KPNA3: variants seen among roughly 807,000 people sequenced by gnomAD.
KPNA3 encodes the protein importin subunit alpha-4.
In KPNA3, 13 loss-of-function variants were observed where a neutral mutation model predicts 73.8. The observed-to-expected ratio is 0.18, with a 90% CI of 0.11 to 0.28. The LOEUF is 0.28. KPNA3 is among the 10% of genes least tolerant of loss of function. KPNA3 has a pLI of 1.00. For synonymous variants in KPNA3, 186 were observed against 206.9 expected (o/e 0.90, Z 0.87); for missense variants, 360 against 618.1 (o/e 0.58, Z 4.43).
chr13:49,758,995 A>C (rs1954735835), intron 1 of KPNA3, among the ~76,000 whole-genome samples: 1 of 152,166 alleles, frequency 6.6e-6, no homozygotes, highest in Non-Finnish European at 1.5e-5. Context: ...AACATACCAA[A>C]TATCAAAGAT....
intron 1 of KPNA3, among the ~76,000 whole-genome samples, chr13:49,779,136 C>G (rs973109784): frequency 1.3e-5 from 2 of 151,868 alleles, no homozygotes; most frequent in African/African-American, 4.8e-5. Context: ...GACTTCCACA[C>G]TTTGAATTTG....
At chr13:49,791,755 C>T (rs1362110227) in intron 1 of KPNA3, among the ~76,000 whole-genome samples, 1 of 152,250 alleles carries the variant, frequency 6.6e-6, no homozygotes, top group Non-Finnish European at 1.5e-5. Context: ...TGTCCACCTT[C>T]AGCTCGCTCC....
intron 1 of KPNA3, among the ~76,000 whole-genome samples, chr13:49,772,759 T>C (rs554002666): frequency 6.6e-6 from 1 of 152,188 alleles, no homozygotes; most frequent in African/African-American, 2.4e-5. Context: ...GCTGAGATCA[T>C]GCCATTGCAC....
At chr13:49,792,137 C>A (rs993692633) in intron 1 of KPNA3, among the ~76,000 whole-genome samples, 1 of 152,084 alleles carries the variant, frequency 6.6e-6, no homozygotes, top group African/African-American at 2.4e-5. Context: ...GCGGCCCTGG[C>A]CCGCGGACCC....
chr13:49,703,183 CTTTTTTTTTT>C (rs35282756), intron 15 of KPNA3, among the ~76,000 whole-genome samples: 1 of 109,196 alleles, frequency 9.2e-6, no homozygotes, highest in Non-Finnish European at 1.8e-5. Context: ...TTCTTTCTTT[CTTTTTTTTTT>C]TTTTTTTTGA....
intron 15 of KPNA3, among the ~76,000 whole-genome samples, chr13:49,704,000 T>C (rs1416807927): frequency 1.2e-5 from 1 of 80,704 alleles, no homozygotes; most frequent in Non-Finnish European, 2.6e-5. Context: ...TACTGTGTTA[T>C]GAACCTGACT....
intron 2 of KPNA3, among the ~76,000 whole-genome samples, chr13:49,737,357 T>C (rs1424066504): frequency 6.6e-6 from 1 of 152,160 alleles, no homozygotes; most frequent in Non-Finnish European, 1.5e-5. Context: ...TCGCCAGCAT[T>C]TGGTGTTGTC....
chr13:49,740,908 T>C (rs1954567829), intron 2 of KPNA3, among the ~76,000 whole-genome samples: 1 of 152,196 alleles, frequency 6.6e-6, no homozygotes, highest in South Asian at 2.1e-4. Context: ...ATACTTGCCT[T>C]GTTTGCCTGG....
Position 49,708,141 on chromosome 13 carries a change from G to A in KPNA3, c.1032+1431C>T, listed in dbSNP as rs181111652. 1.5e-3 allele frequency among the ~76,000 whole-genome samples: 233 copies of A among 151,922 alleles called. 1 individual carries two copies. Among genetic ancestry groups the A allele is most frequent in the African/African-American group, 5.1e-3 (213 of 41,464 alleles). ...CTCCTGAGTAGTTGGGACTACAGGC[G>A]TCTGCTACCACACCCGGCTAATTTT... On this transcript the variant is annotated intron_variant, in intron 12 of 16. Transcript: ENST00000261667.
At chr13:49,767,918 C>G (rs1479200442) in intron 1 of KPNA3, among the ~76,000 whole-genome samples, 3 of 152,106 alleles carry the variant, frequency 2.0e-5, no homozygotes, top group African/African-American at 7.2e-5. Flanking sequence ...AATGTGAGTA[C>G]CAACAACAAA....
chr13:49,770,834 C>CAAAAA (rs759842886), intron 1 of KPNA3, among the ~76,000 whole-genome samples: 39 of 85,148 alleles, frequency 4.6e-4, no homozygotes, highest in East Asian at 8.0e-4. Flanking sequence ...ACCCACCTAC[C>CAAAAA]AAAAAAAAAA....
At chr13:49,758,864 A>G (rs1368072606) in intron 1 of KPNA3, among the ~76,000 whole-genome samples, 1 of 152,196 alleles carries the variant, frequency 6.6e-6, no homozygotes, top group East Asian at 1.9e-4. Flanking sequence ...CAACGCCTAG[A>G]AACAGTGACC....
In KPNA3 at chr13:49,705,605, A is replaced by G; in HGVS notation, c.1372+16T>C. Reference sequence around the variant, plus strand: ...TCCAGTGCTCAAATACTCTTCTTCCATCAATCCACTCTTACCTCCACATTC... The same window carrying G: ...TCCAGTGCTCAAATACTCTTCTTCCGTCAATCCACTCTTACCTCCACATTC... On this transcript the variant is annotated intron_variant, in intron 15 of 16. Transcript: ENST00000261667. 1 of 1,609,772 alleles carries G rather than the reference A, an allele frequency of 6.2e-7. No homozygotes were observed. Among genetic ancestry groups the G allele is most frequent in the Non-Finnish European group, 8.5e-7 (1 of 1,177,902 alleles).
chr13:49,780,948 T>A (rs886465641), intron 1 of KPNA3, among the ~76,000 whole-genome samples: 57 of 152,230 alleles, frequency 3.7e-4, no homozygotes, highest in African/African-American at 1.3e-3. Flanking sequence ...CTCAAACTCC[T>A]GACCTCAGGT....
At chr13:49,784,870 C>A (rs1954969188) in intron 1 of KPNA3, among the ~76,000 whole-genome samples, 1 of 152,116 alleles carries the variant, frequency 6.6e-6, no homozygotes, top group Non-Finnish European at 1.5e-5. Context: ...AAAAAGCTCA[C>A]AATCTAGTAG....
intron 10 of KPNA3, 134 bp from the exon 11 acceptor site, chr13:49,711,156 A>C (rs1484137324): frequency 5.9e-6 from 4 of 673,376 alleles, no homozygotes; most frequent in Non-Finnish European, 9.7e-6. Context: ...ATATCTGCTT[A>C]GCTGATTAAT....
At chr13:49,712,386 C>A (rs2897769) in intron 10 of KPNA3, among the ~76,000 whole-genome samples, 12,190 of 148,862 alleles carry the variant, frequency 0.082, 583 homozygotes, top group South Asian at 0.12. Flanking sequence ...ACATTTGAAA[C>A]AAATTTAAAG....
chr13:49,744,797 T>C (rs944897230), intron 2 of KPNA3, among the ~76,000 whole-genome samples: 1 of 152,146 alleles, frequency 6.6e-6, no homozygotes, highest in African/African-American at 2.4e-5. Flanking sequence ...GGGGAAAGGG[T>C]ACAGGAGAAT....
At chr13:49,785,074 C>T (rs1324331844) in intron 1 of KPNA3, among the ~76,000 whole-genome samples, 2 of 151,400 alleles carry the variant, frequency 1.3e-5, no homozygotes, top group African/African-American at 4.9e-5. Flanking sequence ...ATAGCACTGG[C>T]GAGGAGGGGC....
Sources: allele counts gnomAD v4.1 joint callset (sites outside exome capture counted in the v4.1 genomes callset), GRCh38; gene constraint gnomAD v4.1.1; transcripts MANE v1.5; gene names NCBI Gene and HGNC (gene_info 2026-07-23, HGNC 2026-07-21).